Variants in TTBK2 observed in about 807,000 individuals in gnomAD.
TTBK2 encodes the protein tau tubulin kinase 2, also known as tau-tubulin kinase 2.
In TTBK2, 28 loss-of-function variants were observed where a neutral mutation model predicts 110.8. That is an observed-to-expected ratio of 0.25 (90% CI 0.19 to 0.35). TTBK2 has a LOEUF of 0.35. Among genes scored for constraint, TTBK2 ranks in the 10% least tolerant of loss-of-function variants. The pLI is 1.00. For missense variants in TTBK2, 1,369 were observed against 1,500.3 expected (o/e 0.91, Z 1.45); for synonymous variants, 532 against 527.3 (o/e 1.01, Z -0.12).
At chr15:42,897,622 G>A (rs1895717072) in intron 1 of TTBK2, among the ~76,000 whole-genome samples, 1 of 152,096 alleles carries the variant, frequency 6.6e-6, no homozygotes, top group Non-Finnish European at 1.5e-5. Flanking sequence ...GGTCTTGGAA[G>A]GACAATAGCA....
chr15:42,798,594 CAA>C (rs1891045457), intron 9 of TTBK2, among the ~76,000 whole-genome samples: 1 of 152,088 alleles, frequency 6.6e-6, no homozygotes, highest in Non-Finnish European at 1.5e-5. Context: ...TTTCATAATA[CAA>C]TGAACACAAA....
Position 42,878,651 on chromosome 15 carries a change from G to T in TTBK2, c.-34C>A. ...ACTGATATGGTAGAACAGCTACACAGGCATCCAGTTCCCAAGGGTGGTTTC... is the reference window on the plus strand; with the variant it reads ...ACTGATATGGTAGAACAGCTACACATGCATCCAGTTCCCAAGGGTGGTTTC... On this transcript the variant is annotated 5_prime_UTR_variant, in exon 2 of 15. The change creates a new upstream start codon in the 5' untranslated region. Coordinates refer to ENST00000267890, the MANE Select transcript of TTBK2 (RefSeq NM_173500.4). The T allele has an allele frequency of 6.2e-7, 1 of 1,613,550 alleles. No individual in the cohort carries two copies. Among genetic ancestry groups the T allele is most frequent in the South Asian group, 1.1e-5 (1 of 91,068 alleles).
chr15:42,906,918 C>G (rs977705277), intron 1 of TTBK2, among the ~76,000 whole-genome samples: 35 of 151,722 alleles, frequency 2.3e-4, no homozygotes, highest in African/African-American at 8.0e-4. Flanking sequence ...AGAGCAGTGG[C>G]TCATGCCTAT....
At chr15:42,860,931 G>A (rs191841011) in intron 3 of TTBK2, among the ~76,000 whole-genome samples, 17 of 152,148 alleles carry the variant, frequency 1.1e-4, no homozygotes, top group African/African-American at 4.1e-4. Flanking sequence ...TTACAGGGAT[G>A]AGCCACTGAG....
At chr15:42,908,427 T>C (rs2030543860) in intron 1 of TTBK2, among the ~76,000 whole-genome samples, 1 of 152,198 alleles carries the variant, frequency 6.6e-6, no homozygotes, top group Non-Finnish European at 1.5e-5. Context: ...GCCATGATTG[T>C]GCCACTGCAT....
intron 1 of TTBK2, among the ~76,000 whole-genome samples, chr15:42,913,251 C>G (rs1013736367): frequency 6.6e-5 from 10 of 151,884 alleles, no homozygotes; most frequent in African/African-American, 2.2e-4. Context: ...ATTCACCACT[C>G]ACACTTCAAC....
At chr15:42,747,944 C>T (rs1379242588) in intron 14 of TTBK2, among the ~76,000 whole-genome samples, 5 of 152,090 alleles carry the variant, frequency 3.3e-5, no homozygotes, top group African/African-American at 4.8e-5. Context: ...TAAATTTATA[C>T]ACAAAGCACA....
intron 3 of TTBK2, among the ~76,000 whole-genome samples, chr15:42,870,106 G>A (rs751393381): frequency 2.6e-5 from 4 of 152,016 alleles, no homozygotes; most frequent in East Asian, 1.9e-4. Flanking sequence ...CCCAGGAGGC[G>A]GAGGTTGCAG....
At chr15:42,874,346 TCA>T (rs1436273890) in intron 2 of TTBK2, among the ~76,000 whole-genome samples, 3 of 152,090 alleles carry the variant, frequency 2.0e-5, no homozygotes, top group Non-Finnish European at 4.4e-5. Flanking sequence ...GTTGGTAGTC[TCA>T]CACTGTTGCC....
At chr15:42,825,840 T>A (rs1367228376) in intron 6 of TTBK2, among the ~76,000 whole-genome samples, 3 of 152,122 alleles carry the variant, frequency 2.0e-5, no homozygotes, top group Admixed American at 2.0e-4. Context: ...AACATTGCTA[T>A]CATCATAGTA....
chr15:42,884,504 A>T (rs774878173), intron 1 of TTBK2, among the ~76,000 whole-genome samples: 9 of 152,188 alleles, frequency 5.9e-5, no homozygotes, highest in Non-Finnish European at 1.2e-4. Flanking sequence ...GTTATTCATA[A>T]CAAGCCCCTT....
intron 13 of TTBK2, 145 bp from the exon 14 acceptor site, chr15:42,753,392 C>A (rs2061897415): frequency 1.2e-6 from 1 of 833,404 alleles, no homozygotes; most frequent in African/African-American, 1.7e-5. Context: ...GAAAAATGAA[C>A]AATTCTGAAT....
intron 2 of TTBK2, among the ~76,000 whole-genome samples, chr15:42,876,877 G>A (rs1894838486): frequency 6.6e-6 from 1 of 152,050 alleles, no homozygotes; most frequent in African/African-American, 2.4e-5. Context: ...TGTCCCCTTA[G>A]TCAAATAAGA....
Position 42,752,293 on chromosome 15 carries a change from T to C in TTBK2, c.2953A>G (p.Lys985Glu). 1.2e-6 allele frequency: 2 copies of C among 1,614,224 alleles called. No homozygotes were observed. The highest frequency in any genetic ancestry group is 2.7e-5 in the African/African-American group (2 of 75,052). ...CCAAGGAAGGACTTGAATTGTCTTTTTTCCACCAGAAGCTTGACTAGGTCT... is the reference window on the plus strand; with the variant it reads ...CCAAGGAAGGACTTGAATTGTCTTTCTTCCACCAGAAGCTTGACTAGGTCT... ...QPDLVKLLVE[K>E]RQFKSFLGDL... Residue 985 changes from lysine to glutamate, a missense_variant, in exon 14 of 15, where the codon AAA (lysine) becomes GAA (glutamate). By Grantham distance (56) the Lys-to-Glu change is moderately conservative. Transcript: ENST00000267890.
At chr15:42,805,973 T>C (rs913810969) in intron 9 of TTBK2, among the ~76,000 whole-genome samples, 2 of 152,190 alleles carry the variant, frequency 1.3e-5, no homozygotes, top group African/African-American at 4.8e-5. Context: ...GTTAAGACAC[T>C]GATTTTTAGG....
chr15:42,874,812 C>A (rs1348416974), intron 2 of TTBK2, among the ~76,000 whole-genome samples: 2 of 151,192 alleles, frequency 1.3e-5, no homozygotes, highest in Non-Finnish European at 3.0e-5. Context: ...ATCGTGAAAG[C>A]CCGTCTCTAC....
intron 3 of TTBK2, among the ~76,000 whole-genome samples, chr15:42,856,019 A>G (rs1023125801): frequency 6.6e-6 from 1 of 152,204 alleles, no homozygotes; most frequent in South Asian, 2.1e-4. Context: ...TGATAAACAA[A>G]AGAGAAGAAA....
At chr15:42,767,123 C>T (rs1247676571) in intron 13 of TTBK2, among the ~76,000 whole-genome samples, 1 of 152,174 alleles carries the variant, frequency 6.6e-6, no homozygotes, top group Non-Finnish European at 1.5e-5. Flanking sequence ...CTCTGGGACA[C>T]ATTTAAAGCA....
chr15:42,904,723 C>T (rs2030275556), intron 1 of TTBK2, among the ~76,000 whole-genome samples: 2 of 152,132 alleles, frequency 1.3e-5, no homozygotes, highest in Admixed American at 1.3e-4. Context: ...TAAACACTGA[C>T]AATCACCTAG....
Sources: gnomAD v4.1 joint callset for allele counts (sites outside exome capture counted in the v4.1 genomes callset) on GRCh38, gnomAD v4.1.1 for gene constraint, MANE v1.5 for transcripts, NCBI Gene and HGNC (gene_info 2026-07-23, HGNC 2026-07-21) for gene names.